Variants in ITFG1 observed in about 807,000 individuals in gnomAD.
ITFG1 encodes integrin alpha FG-GAP repeat containing 1.
Under a neutral mutation model 81.8 loss-of-function variants are expected in ITFG1, and 34 were observed. The observed-to-expected ratio is 0.42, with a 90% CI of 0.32 to 0.55. ITFG1 has a LOEUF of 0.55. Among genes scored for constraint, ITFG1 ranks in the 20% least tolerant of loss-of-function variants. The probability of loss-of-function intolerance (pLI) is 0.17; values close to 1 mark genes in which losing one functional copy is unlikely to be tolerated. For missense variants in ITFG1, 672 were observed against 755.4 expected, an observed-to-expected ratio of 0.89 and a Z score of 1.29; for synonymous variants, 285 against 270.6, an observed-to-expected ratio of 1.05 and a Z score of -0.52.
At chr16:47,242,441 G>A (rs1048531129) in intron 12 of ITFG1, among the ~76,000 whole-genome samples, 6 of 151,546 alleles carry the variant, frequency 4.0e-5, no homozygotes, top group African/African-American at 1.2e-4. Flanking sequence ...TTGTCTGTAA[G>A]GAAAATAATA....
chr16:47,175,255 G>A (rs1241874828), intron 14 of ITFG1, among the ~76,000 whole-genome samples: 2 of 151,638 alleles, frequency 1.3e-5, no homozygotes, highest in East Asian at 1.9e-4. Context: ...AACAATAATT[G>A]TATGAGGGTA....
chr16:47,297,205 A>G, intron 10 of ITFG1, among the ~76,000 whole-genome samples: 1 of 152,164 alleles, frequency 6.6e-6, no homozygotes, highest in Non-Finnish European at 1.5e-5. Flanking sequence ...TTTTTGATTT[A>G]AAGTATGTTC....
At chr16:47,452,438 A>G (rs905715244) in intron 4 of ITFG1, among the ~76,000 whole-genome samples, 4 of 152,240 alleles carry the variant, frequency 2.6e-5, no homozygotes, top group African/African-American at 7.2e-5. Flanking sequence ...AATATCAAAT[A>G]TAACAGTTTT....
chr16:47,435,346 T>C (rs1051061046), intron 5 of ITFG1, among the ~76,000 whole-genome samples: 1 of 152,184 alleles, frequency 6.6e-6, no homozygotes, highest in Non-Finnish European at 1.5e-5. Flanking sequence ...AAAACTGCTC[T>C]GATTACAAAA....
At chr16:47,224,840 G>A (rs778412970) in intron 13 of ITFG1, among the ~76,000 whole-genome samples, 1 of 152,082 alleles carries the variant, frequency 6.6e-6, no homozygotes, top group Admixed American at 6.6e-5. Flanking sequence ...TCCATGAAAA[G>A]TTAAAAAAAT....
intron 6 of ITFG1, among the ~76,000 whole-genome samples, chr16:47,403,816 A>G (rs1968694086): frequency 6.6e-6 from 1 of 151,400 alleles, no homozygotes; most frequent in South Asian, 2.1e-4. Context: ...ACAGAGGGAG[A>G]GACAGAAACG....
chr16:47,365,982 T>C (rs1490250749), intron 7 of ITFG1, 113 bp from the exon 8 acceptor site: 1 of 590,230 alleles, frequency 1.7e-6, no homozygotes, highest in Non-Finnish European at 3.1e-6. Context: ...TATTTTGTTG[T>C]ATTGCACAAA....
At chr16:47,218,751 A>T (rs1238176978) in intron 14 of ITFG1, 117 bp downstream of exon 14, 1 of 477,716 alleles carries the variant, frequency 2.1e-6, no homozygotes, top group Non-Finnish European at 3.6e-6. Context: ...ACTAAGTATA[A>T]TAAAAGTGAA....
At chr16:47,416,953 T>C (rs1567492858) in intron 6 of ITFG1, among the ~76,000 whole-genome samples, 1 of 152,246 alleles carries the variant, frequency 6.6e-6, no homozygotes, top group South Asian at 2.1e-4. Flanking sequence ...AGTCCCAAGA[T>C]AGCGGGACTA....
At chr16:47,357,432 G>C (rs2151584058) in intron 8 of ITFG1, among the ~76,000 whole-genome samples, 1 of 152,038 alleles carries the variant, frequency 6.6e-6, no homozygotes, top group East Asian at 1.9e-4. Context: ...GGCTAACATG[G>C]TGAAACCCCG....
At chr16:47,394,100 T>G (rs1022935572) in intron 6 of ITFG1, among the ~76,000 whole-genome samples, 1 of 152,210 alleles carries the variant, frequency 6.6e-6, no homozygotes, top group Non-Finnish European at 1.5e-5. Flanking sequence ...TAAGAACTTA[T>G]TTAGTACAGA....
intron 14 of ITFG1, 173 bp from the exon 15 acceptor site, chr16:47,162,837 A>T (rs1964829494): frequency 1.9e-6 from 1 of 534,990 alleles, no homozygotes; most frequent in Non-Finnish European, 3.1e-6. Context: ...TCTTTTTTTG[A>T]GACATGGTCT....
At chr16:47,223,591 A>G (rs1272263775) in intron 13 of ITFG1, among the ~76,000 whole-genome samples, 1 of 152,296 alleles carries the variant, frequency 6.6e-6, no homozygotes, top group East Asian at 1.9e-4. Context: ...ATGTGGAGAA[A>G]TAGGAACACT....
At chr16:47,222,499 C>T (rs558870670) in intron 13 of ITFG1, among the ~76,000 whole-genome samples, 89 of 151,614 alleles carry the variant, frequency 5.9e-4, no homozygotes, top group Non-Finnish European at 9.9e-4. Context: ...CTGCAAGCTC[C>T]GCCTCCCAGG....
At chr16:47,192,293 G>A (rs147969121) in intron 14 of ITFG1, among the ~76,000 whole-genome samples, 34 of 152,342 alleles carry the variant, frequency 2.2e-4, no homozygotes, top group African/African-American at 8.2e-4. Flanking sequence ...CTAGCTATGA[G>A]TTAGGCTGCC....
At chr16:47,349,834 G>A (rs543294852) in intron 8 of ITFG1, among the ~76,000 whole-genome samples, 3 of 152,148 alleles carry the variant, frequency 2.0e-5, no homozygotes, top group Admixed American at 2.0e-4. Flanking sequence ...AGCAAATGTA[G>A]AAGAACAGAA....
At chr16:47,254,941 G>A (rs1966122709) in intron 12 of ITFG1, among the ~76,000 whole-genome samples, 1 of 152,050 alleles carries the variant, frequency 6.6e-6, no homozygotes, top group African/African-American at 2.4e-5. Flanking sequence ...CAAAAGATTA[G>A]CGAGGCATGG....
At chr16:47,414,875 A>G (rs137973436) in intron 6 of ITFG1, among the ~76,000 whole-genome samples, 89 of 152,352 alleles carry the variant, frequency 5.8e-4, no homozygotes, top group Non-Finnish European at 1.1e-3. Context: ...TTTTACCACT[A>G]TAAGTTCACC....
intron 10 of ITFG1, among the ~76,000 whole-genome samples, chr16:47,263,934 GC>G (rs1966243252): frequency 6.6e-6 from 1 of 152,038 alleles, no homozygotes; most frequent in Admixed American, 6.6e-5. Flanking sequence ...CCAGCATCTT[GC>G]CTTTAAAAAT....
Sources: gnomAD v4.1 joint callset for allele counts (sites outside exome capture counted in the v4.1 genomes callset) on GRCh38, gnomAD v4.1.1 for gene constraint, MANE v1.5 for transcripts, NCBI Gene and HGNC (gene_info 2026-07-23, HGNC 2026-07-21) for gene names.